Variants in MAGI2 observed in about 807,000 individuals in gnomAD.
MAGI2 encodes membrane-associated guanylate kinase, WW and PDZ domain-containing protein 2.
MAGI2 carries 35 observed loss-of-function variants against 133.3 expected under a neutral mutation model. The observed-to-expected ratio is 0.26, with a 90% CI of 0.20 to 0.35. The LOEUF (loss-of-function observed/expected upper bound fraction) is 0.35, where lower values mean the gene tolerates loss of function less well. MAGI2 is among the 10% of genes least tolerant of loss of function. The pLI is 1.00. For synonymous variants in MAGI2, 729 were observed against 710.6 expected, an observed-to-expected ratio of 1.03 and a Z score of -0.41; for missense variants, 1,636 against 1,863.4, an observed-to-expected ratio of 0.88 and a Z score of 2.25.
chr7:79,421,797 G>A (rs1306050160), intron 1 of MAGI2, among the ~76,000 whole-genome samples: 1 of 152,108 alleles, frequency 6.6e-6, no homozygotes, highest in African/African-American at 2.4e-5. Flanking sequence ...ACACTTGAGT[G>A]CCCGAAGATA....
intron 9 of MAGI2, among the ~76,000 whole-genome samples, chr7:78,264,640 A>G (rs1326741821): frequency 1.3e-5 from 2 of 152,156 alleles, no homozygotes; most frequent in African/African-American, 2.4e-5. Context: ...AACTCACAGA[A>G]CTTATAACCA....
chr7:78,862,671 C>T (rs576597923), intron 2 of MAGI2, among the ~76,000 whole-genome samples: 36 of 152,262 alleles, frequency 2.4e-4, no homozygotes, highest in Non-Finnish European at 4.6e-4. Flanking sequence ...TTCTAACTAA[C>T]CCTTATAAAC....
chr7:78,290,432 C>T (rs1258176018), intron 9 of MAGI2, among the ~76,000 whole-genome samples: 1 of 152,106 alleles, frequency 6.6e-6, no homozygotes, highest in African/African-American at 2.4e-5. Flanking sequence ...TACAGGAGCA[C>T]CCAGATTCAT....
rs529377204 is a variant in MAGI2 at position 78,209,323 on chromosome 7, G to A, written c.2048-8130C>T. Among the ~76,000 whole-genome samples the A allele has an allele frequency of 6.6e-4, 90 of 136,776 alleles. No homozygotes were observed. The East Asian group carries it at 0.014, about 22-fold the overall frequency. 89.7% of individuals were successfully genotyped at this position (136,776 alleles called of 152,430 possible). Reference sequence around the variant, plus strand: ...GTTGCCCAGGCTGGAGAGCAGTGGCGCGATCTCGGCTCACTGCAAGCTCCG... The same window carrying A: ...GTTGCCCAGGCTGGAGAGCAGTGGCACGATCTCGGCTCACTGCAAGCTCCG... On this transcript the variant is annotated intron_variant, in intron 10 of 21. Transcript: ENST00000354212.
At chr7:78,469,997 G>A (rs1168661748) in intron 6 of MAGI2, among the ~76,000 whole-genome samples, 5 of 152,136 alleles carry the variant, frequency 3.3e-5, no homozygotes, top group South Asian at 2.1e-4. Context: ...GCTAAATGCC[G>A]TAGACACATG....
intron 9 of MAGI2, among the ~76,000 whole-genome samples, chr7:78,335,723 A>G (rs1282621906): frequency 6.6e-6 from 1 of 152,206 alleles, no homozygotes; most frequent in African/African-American, 2.4e-5. Flanking sequence ...ACCTAACATG[A>G]TGACACTTTT....
At chr7:79,045,899 A>T (rs1812134821) in intron 1 of MAGI2, among the ~76,000 whole-genome samples, 2 of 152,206 alleles carry the variant, frequency 1.3e-5, no homozygotes, top group South Asian at 4.1e-4. Context: ...TACGGTGTTT[A>T]CATGAATCTA....
intron 1 of MAGI2, among the ~76,000 whole-genome samples, chr7:79,391,899 T>G (rs901987282): frequency 2.6e-5 from 4 of 152,038 alleles, no homozygotes; most frequent in Non-Finnish European, 5.9e-5. Flanking sequence ...TTAGCCAGGA[T>G]GGTCTTGATC....
intron 2 of MAGI2, among the ~76,000 whole-genome samples, chr7:78,906,564 G>A (rs185655474): frequency 3.4e-4 from 51 of 152,232 alleles, no homozygotes; most frequent in Admixed American, 2.2e-3. Flanking sequence ...ATTTTATCCA[G>A]CCTTGAAATT....
At position 79,399,079 on chromosome 7, in the gene MAGI2, CTTTTT is replaced by C. The variant is rs1197197628; in HGVS notation, c.301+53936_301+53940del. Reference sequence around the variant, plus strand: ...CATCTTCAATTCACTAGTATTATTTCTTTTTTTTTTCTTTTCTTTTTTTTTTTTTT... The same window carrying C: ...CATCTTCAATTCACTAGTATTATTTCTTTTTCTTTTCTTTTTTTTTTTTTT... On this transcript the variant is annotated intron_variant, in intron 1 of 21. Transcript: ENST00000354212. 5.2e-5 allele frequency among the ~76,000 whole-genome samples: 6 copies of C among 114,660 alleles called. No individual in the cohort carries two copies. The East Asian group carries it at 8.8e-4, about 17-fold the overall frequency. The allele number at this position is 114,660 out of a possible 152,430, so 75.2% of individuals were successfully genotyped here.
chr7:78,659,279 T>A (rs1409358778), intron 2 of MAGI2, among the ~76,000 whole-genome samples: 1 of 151,446 alleles, frequency 6.6e-6, no homozygotes, highest in Non-Finnish European at 1.5e-5. Context: ...TGAAACCCCA[T>A]CTCTATTAAA....
At chr7:78,538,770 C>T (rs1020031906) in intron 3 of MAGI2, among the ~76,000 whole-genome samples, 5 of 152,074 alleles carry the variant, frequency 3.3e-5, no homozygotes, top group Non-Finnish European at 4.4e-5. Flanking sequence ...TCTAGGTATT[C>T]AATCATATCA....
intron 3 of MAGI2, among the ~76,000 whole-genome samples, chr7:78,557,097 A>AAAAAAAAAAAAAAAAAAAAAAAAAAAAAG (rs1554473311): frequency 7.2e-6 from 1 of 138,960 alleles, no homozygotes; most frequent in African/African-American, 3.0e-5. Context: ...AAAAAAAAAA[A>AAAAAAAAAAAAAAAAAAAAAAAAAAAAAG]AAAGAAAAAG....
intron 10 of MAGI2, among the ~76,000 whole-genome samples, chr7:78,226,224 C>T (rs905311672): frequency 6.6e-6 from 1 of 151,576 alleles, no homozygotes; most frequent in Non-Finnish European, 1.5e-5. Flanking sequence ...CCTCACAGGT[C>T]TAGGTCATAG....
At chr7:78,750,214 C>A (rs955527566) in intron 2 of MAGI2, among the ~76,000 whole-genome samples, 1 of 152,164 alleles carries the variant, frequency 6.6e-6, no homozygotes, top group African/African-American at 2.4e-5. Context: ...TATGAACTCA[C>A]CCTTTTTTAC....
intron 2 of MAGI2, among the ~76,000 whole-genome samples, chr7:78,727,192 A>G (rs1820904303): frequency 6.6e-6 from 1 of 152,240 alleles, no homozygotes. Flanking sequence ...AAAAAGATGG[A>G]AGGAATAGCA....
Position 78,505,565 on chromosome 7 carries a change from A to T in MAGI2, c.755-3778T>A, listed in dbSNP as rs183389897. ...AATGTCACGTTGCACTGAAAAGTTCAAATGCAAGGTCATGCTCTGAACATG... is the reference window on the plus strand; with the variant it reads ...AATGTCACGTTGCACTGAAAAGTTCTAATGCAAGGTCATGCTCTGAACATG... On this transcript the variant is annotated intron_variant, in intron 4 of 21. Transcript: ENST00000354212. Among the ~76,000 whole-genome samples, 7 of 152,362 alleles carry T rather than the reference A, an allele frequency of 4.6e-5. No homozygotes were observed. The East Asian group carries it at 1.3e-3, about 29-fold the overall frequency.
chr7:79,108,303 G>A (rs1818615448), intron 1 of MAGI2, among the ~76,000 whole-genome samples: 2 of 152,130 alleles, frequency 1.3e-5, no homozygotes, highest in Admixed American at 1.3e-4. Flanking sequence ...ATTTTGGAAT[G>A]GTATCAATGT....
At chr7:78,925,526 G>T (rs2151644218) in intron 2 of MAGI2, among the ~76,000 whole-genome samples, 1 of 152,036 alleles carries the variant, frequency 6.6e-6, no homozygotes, top group Non-Finnish European at 1.5e-5. Flanking sequence ...TGGCCTAGGG[G>T]ACTCCTGTAT....
Sources: allele counts gnomAD v4.1 joint callset (sites outside exome capture counted in the v4.1 genomes callset), GRCh38; gene constraint gnomAD v4.1.1; transcripts MANE v1.5; gene names NCBI Gene and HGNC (gene_info 2026-07-23, HGNC 2026-07-21).